The following INSYN2A variants were observed in gnomAD, a reference collection of about 807,000 sequenced individuals.
INSYN2A encodes inhibitory synaptic factor 2A.
A neutral mutation model predicts 39.4 loss-of-function variants in INSYN2A; 17 were observed. That is an observed-to-expected ratio of 0.43 (90% CI 0.30 to 0.65). The LOEUF is 0.65. Ranked by LOEUF, INSYN2A falls within the 30% of genes least tolerant of loss-of-function variation. The pLI is 0.14. For missense variants in INSYN2A, 595 were observed against 631.2 expected, an observed-to-expected ratio of 0.94 and a Z score of 0.61; for synonymous variants, 255 against 265.7, an observed-to-expected ratio of 0.96 and a Z score of 0.39.
chr10:127,137,531 T>C lies in INSYN2A; in HGVS notation c.*306A>G. 2 of 276,746 alleles carry C rather than the reference T, an allele frequency of 7.2e-6. No homozygotes were observed. The highest frequency in any genetic ancestry group is 1.4e-5 in the Non-Finnish European group (2 of 147,950). 17.1% of individuals were successfully genotyped at this position (276,746 alleles called of 1,614,324 possible). On this transcript the variant is annotated 3_prime_UTR_variant, in exon 6 of 6. Coordinates refer to ENST00000522781, the MANE Select transcript of INSYN2A (RefSeq NM_001039762.3). ...AGCCTGCCATCTCGCAGGTTGATAA[T>C]GTATTACTTGCAGATCGGGGGTGGG...
At chr10:127,191,774 G>A (rs193273966) in intron 2 of INSYN2A, among the ~76,000 whole-genome samples, 6 of 152,256 alleles carry the variant, frequency 3.9e-5, no homozygotes, top group African/African-American at 1.2e-4. Flanking sequence ...AGGCCCTCAT[G>A]CCATCAGCCT....
chr10:127,147,021 G>A (rs1412573665), intron 5 of INSYN2A, among the ~76,000 whole-genome samples: 1 of 152,190 alleles, frequency 6.6e-6, no homozygotes, highest in Non-Finnish European at 1.5e-5. Flanking sequence ...CCTCTGTTTT[G>A]TGGTCTTATT....
chr10:127,143,129 T>G (rs2051434880), intron 5 of INSYN2A, among the ~76,000 whole-genome samples: 2 of 152,206 alleles, frequency 1.3e-5, no homozygotes, highest in South Asian at 4.1e-4. Context: ...CACAGTTTCT[T>G]TAGCAAGCTG....
At chr10:127,174,413 C>T (rs1400270852) in intron 4 of INSYN2A, among the ~76,000 whole-genome samples, 1 of 152,172 alleles carries the variant, frequency 6.6e-6, no homozygotes, top group Non-Finnish European at 1.5e-5. Context: ...TAGGAGGCTT[C>T]CGCACTGGGG....
At chr10:127,172,560 G>A (rs568827645) in intron 4 of INSYN2A, among the ~76,000 whole-genome samples, 1 of 151,562 alleles carries the variant, frequency 6.6e-6, no homozygotes, top group South Asian at 2.1e-4. Context: ...ATGACCCTGG[G>A]GCATTGAGCA....
At chr10:127,183,071 CTTTTTTTTTTTT>C (rs3066813) in intron 2 of INSYN2A, among the ~76,000 whole-genome samples, 1 of 88,634 alleles carries the variant, frequency 1.1e-5, no homozygotes, top group African/African-American at 4.3e-5. Context: ...TATGGTGAAT[CTTTTTTTTTTTT>C]TTTTTTTTTT....
chr10:127,180,084 C>T (rs1023268), intron 2 of INSYN2A, among the ~76,000 whole-genome samples: 4,298 of 152,288 alleles, frequency 0.028, 84 homozygotes, highest in Middle Eastern at 0.048. Context: ...TAACCCACTA[C>T]CCCTGCTCAA....
intron 4 of INSYN2A, among the ~76,000 whole-genome samples, chr10:127,170,347 C>A (rs1168973654): frequency 6.6e-6 from 1 of 152,174 alleles, no homozygotes; most frequent in African/African-American, 2.4e-5. Flanking sequence ...TCCCCCTACC[C>A]CAAGCCTGCA....
At position 127,135,459 on chromosome 10, in the gene INSYN2A, T is replaced by C. The variant is rs566306148; in HGVS notation, c.*2378A>G. 6.6e-6 allele frequency: 1 copy of C among 152,658 alleles called. No individual in the cohort carries two copies. The highest frequency in any genetic ancestry group is 1.9e-4 in the East Asian group (1 of 5,204). The allele number at this position is 152,658 out of a possible 1,614,324, so 9.5% of individuals were successfully genotyped here. A position where few individuals can be genotyped will look rare whatever the true frequency, so the allele number is the denominator to read the frequency against. On this transcript the variant is annotated 3_prime_UTR_variant, in exon 6 of 6. Transcript: ENST00000522781. ...TTTGATTTTTTTATTTAAAAATTAA[T>C]AAAGAACTTAACGACAAGTATAATA...
At chr10:127,172,621 C>G (rs1217603247) in intron 4 of INSYN2A, among the ~76,000 whole-genome samples, 1 of 152,154 alleles carries the variant, frequency 6.6e-6, no homozygotes, top group Non-Finnish European at 1.5e-5. Context: ...TAAGGTGGCA[C>G]TTGATTCTTT....
intron 5 of INSYN2A, among the ~76,000 whole-genome samples, chr10:127,143,083 G>A (rs1299358719): frequency 6.6e-6 from 1 of 152,160 alleles, no homozygotes; most frequent in East Asian, 1.9e-4. Flanking sequence ...CTTATTCTCT[G>A]TTTGTCTCAT....
rs11016543 is a variant in INSYN2A at position 127,160,379 on chromosome 10, C to T, written c.1185-6456G>A. 2.0e-5 allele frequency among the ~76,000 whole-genome samples: 3 copies of T among 152,194 alleles called. No homozygotes were observed. In the South Asian group the frequency reaches 6.2e-4, roughly 32 times the overall value. ...CAATGGAAAGTTCTCTTCTCACATT[C>T]CTGGGTGACTGGATGGGGCATTTGT... On this transcript the variant is annotated intron_variant, in intron 4 of 5. Coordinates refer to ENST00000522781, the MANE Select transcript of INSYN2A (RefSeq NM_001039762.3).
intron 2 of INSYN2A, among the ~76,000 whole-genome samples, chr10:127,190,884 A>G (rs919456683): frequency 4.0e-5 from 6 of 151,868 alleles, no homozygotes; most frequent in Non-Finnish European, 7.4e-5. Flanking sequence ...CACCTTCTCA[A>G]CTGGTCTCCA....
At position 127,186,512 on chromosome 10, in the gene INSYN2A, CCCG is replaced by C. The variant is rs1278373213; in HGVS notation, c.-269+6090_-269+6092del. ...ATAACAGCATGGGAGAAACCGCCCC[CCCG>C]CCCCCCCCCGATCCAGTTACCTCCA... On this transcript the variant is annotated intron_variant, in intron 2 of 5. Transcript: ENST00000522781. 2.0e-3 allele frequency among the ~76,000 whole-genome samples: 47 copies of C among 23,878 alleles called. 2 individuals are homozygous for C. Among genetic ancestry groups the C allele is most frequent in the African/African-American group, 3.0e-3 (31 of 10,392 alleles). The allele number at this position is 23,878 out of a possible 152,430, so 15.7% of individuals were successfully genotyped here. A position where few individuals can be genotyped will look rare whatever the true frequency, so the allele number is the denominator to read the frequency against.
chr10:127,152,721 C>T (rs2052628360), intron 5 of INSYN2A, among the ~76,000 whole-genome samples: 1 of 152,212 alleles, frequency 6.6e-6, no homozygotes, highest in Admixed American at 6.5e-5. Flanking sequence ...ACGTCTCCTT[C>T]CAGACTTTGC....
At chr10:127,160,581 T>C (rs141660976) in intron 4 of INSYN2A, among the ~76,000 whole-genome samples, 5 of 152,350 alleles carry the variant, frequency 3.3e-5, no homozygotes, top group African/African-American at 9.6e-5. Context: ...GAGCAGCACG[T>C]TGGATAGTGC....
intron 4 of INSYN2A, among the ~76,000 whole-genome samples, chr10:127,172,861 T>A (rs927595077): frequency 1.3e-5 from 2 of 152,166 alleles, no homozygotes; most frequent in Admixed American, 6.5e-5. Context: ...TGACATTTCG[T>A]GATGATGGAA....
At chr10:127,159,888 C>T (rs1006001822) in intron 4 of INSYN2A, among the ~76,000 whole-genome samples, 2 of 152,060 alleles carry the variant, frequency 1.3e-5, no homozygotes, top group African/African-American at 4.8e-5. Context: ...GAGCAGGGCA[C>T]GGGAGGGCTG....
At chr10:127,183,161 C>T (rs1448711613) in intron 2 of INSYN2A, among the ~76,000 whole-genome samples, 1 of 151,198 alleles carries the variant, frequency 6.6e-6, no homozygotes, top group Non-Finnish European at 1.5e-5. Flanking sequence ...GATTTTTTCC[C>T]CCCTAAAAAT....
Sources: gnomAD v4.1 joint callset for allele counts (sites outside exome capture counted in the v4.1 genomes callset) on GRCh38, gnomAD v4.1.1 for gene constraint, MANE v1.5 for transcripts, NCBI Gene and HGNC (gene_info 2026-07-23, HGNC 2026-07-21) for gene names.